SIK3: variants seen among roughly 807,000 people sequenced by gnomAD.
SIK3 encodes the protein SIK family kinase 3.
A neutral mutation model predicts 144.2 loss-of-function variants in SIK3; 28 were observed. The observed-to-expected ratio is 0.19, with a 90% CI of 0.14 to 0.27. The LOEUF (loss-of-function observed/expected upper bound fraction) is 0.27, where lower values mean the gene tolerates loss of function less well. SIK3 is among the 10% of genes least tolerant of loss of function. The probability of loss-of-function intolerance (pLI) is 1.00; values close to 1 mark genes in which losing one functional copy is unlikely to be tolerated. For missense variants in SIK3, 1,319 were observed against 1,776.0 expected (o/e 0.74, Z 4.62); for synonymous variants, 686 against 676.3 (o/e 1.01, Z -0.22).
At chr11:117,001,229 G>C (rs1030291788) in intron 1 of SIK3, among the ~76,000 whole-genome samples, 1 of 152,234 alleles carries the variant, frequency 6.6e-6, no homozygotes, top group Non-Finnish European at 1.5e-5. Flanking sequence ...TCTGAGGCCA[G>C]GTGCAGTGGC....
rs58587995 is a variant in SIK3 at position 116,965,734 on chromosome 11, A to AAT, written c.274-8672_274-8671dup. Reference sequence around the variant, plus strand: ...CATGGTGAAAACCCGTCTCTGCTAAAATATATATATATATATATATATATA... The same window carrying AAT: ...CATGGTGAAAACCCGTCTCTGCTAAAATATATATATATATATATATATATATA... On this transcript the variant is annotated intron_variant, in intron 1 of 24. Coordinates refer to ENST00000445177, the MANE Select transcript of SIK3 (RefSeq NM_001366686.3). 3.3e-3 allele frequency among the ~76,000 whole-genome samples: 384 copies of AAT among 118,124 alleles called. 1 individual carries two copies. The highest frequency in any genetic ancestry group is 8.2e-3 in the East Asian group (26 of 3,154). 77.5% of individuals were successfully genotyped at this position (118,124 alleles called of 152,430 possible). A position where few individuals can be genotyped will look rare whatever the true frequency, so the allele number is the denominator to read the frequency against.
At chr11:117,092,898 G>A (rs1043407866) in intron 1 of SIK3, among the ~76,000 whole-genome samples, 7 of 152,198 alleles carry the variant, frequency 4.6e-5, no homozygotes, top group African/African-American at 7.2e-5. Context: ...TGGCTTGAGC[G>A]AGATCTATGA....
At chr11:116,938,624 AGG>A (rs1948114656) in intron 3 of SIK3, among the ~76,000 whole-genome samples, 1 of 16,082 alleles carries the variant, frequency 6.2e-5, no homozygotes, top group Non-Finnish European at 2.7e-4. Flanking sequence ...AGGGGAGGGG[AGG>A]AGAGGAGAGG....
intron 1 of SIK3, among the ~76,000 whole-genome samples, chr11:116,961,227 G>A (rs1231904739): frequency 6.6e-6 from 1 of 152,172 alleles, no homozygotes; most frequent in African/African-American, 2.4e-5. Context: ...TGAGAGGAGA[G>A]AACTTACTGT....
At chr11:117,064,888 G>T (rs1026905119) in intron 1 of SIK3, among the ~76,000 whole-genome samples, 1 of 152,118 alleles carries the variant, frequency 6.6e-6, no homozygotes, top group Non-Finnish European at 1.5e-5. Flanking sequence ...GGTGGCTCAC[G>T]CCTGTAATCC....
chr11:117,082,265 G>A (rs573637904), intron 1 of SIK3, among the ~76,000 whole-genome samples: 2 of 152,254 alleles, frequency 1.3e-5, no homozygotes, highest in East Asian at 1.9e-4. Flanking sequence ...ATGACCAAGC[G>A]ATTCCACTCC....
intron 1 of SIK3, among the ~76,000 whole-genome samples, chr11:117,084,560 C>T (rs1954926224): frequency 6.6e-6 from 1 of 152,158 alleles, no homozygotes; most frequent in Non-Finnish European, 1.5e-5. Context: ...GCCACCGCGC[C>T]GGGCCCAGCC....
Position 117,013,972 on chromosome 11 carries a change from C to CTTTTTTTTTTTTTTTTT in SIK3, c.274-56925_274-56909dup, listed in dbSNP as rs71037442. Reference sequence around the variant, plus strand: ...TGTGTTTTATTTCTTTTTTTCTTTTCTTTTTTTTTTTTTTTTTTTTTTGAG... The same window carrying CTTTTTTTTTTTTTTTTT: ...TGTGTTTTATTTCTTTTTTTCTTTTCTTTTTTTTTTTTTTTTTTTTTTTTTTTTTTTTTTTTTTTGAG... On this transcript the variant is annotated intron_variant, in intron 1 of 24. Coordinates refer to ENST00000445177, the MANE Select transcript of SIK3 (RefSeq NM_001366686.3). Among the ~76,000 whole-genome samples the CTTTTTTTTTTTTTTTTT allele has an allele frequency of 8.5e-3, 229 of 26,994 alleles. 44 individuals are homozygous for CTTTTTTTTTTTTTTTTT. Among genetic ancestry groups the CTTTTTTTTTTTTTTTTT allele is most frequent in the Non-Finnish European group, 0.013 (170 of 13,378 alleles). 17.7% of individuals were successfully genotyped at this position (26,994 alleles called of 152,430 possible).
Position 116,927,378 on chromosome 11 carries a change from G to A in SIK3, c.457C>T (p.His153Tyr). The A allele has an allele frequency of 6.2e-7, 1 of 1,611,232 alleles. No homozygotes were observed. Among genetic ancestry groups the A allele is most frequent in the Non-Finnish European group, 8.5e-7 (1 of 1,178,722 alleles). ...EYASGGEIFD[H>Y]LVAHGRMAEK... ...GCCATTCTACCATGGGCCACCAGGT[G>A]GTCTGTGTTGAAGAAGAATACAGTC... Residue 153 changes from histidine (H) to tyrosine (Y), a missense_variant and splice_region_variant, in exon 4 of 25, where the codon CAC becomes TAC. Physicochemically the swap from His to Tyr is moderately conservative, Grantham distance 83. Transcript: ENST00000445177.
intron 4 of SIK3, among the ~76,000 whole-genome samples, chr11:116,909,843 C>T (rs558408383): frequency 6.6e-6 from 1 of 152,216 alleles, no homozygotes; most frequent in Non-Finnish European, 1.5e-5. Context: ...TGTATCAGAA[C>T]TCAGAGTGTA....
chr11:117,001,019 T>C (rs1163713761), intron 1 of SIK3, among the ~76,000 whole-genome samples: 1 of 152,228 alleles, frequency 6.6e-6, no homozygotes, highest in Non-Finnish European at 1.5e-5. Flanking sequence ...AAGTTAACCT[T>C]CTTGGCAAAC....
chr11:116,941,375 C>A, intron 3 of SIK3, among the ~76,000 whole-genome samples: 2 of 143,060 alleles, frequency 1.4e-5, no homozygotes, highest in African/African-American at 2.6e-5. Context: ...GTTGTGAAGA[C>A]ATAAAGGATG....
chr11:117,076,837 G>A (rs756286814), intron 1 of SIK3, among the ~76,000 whole-genome samples: 1 of 152,002 alleles, frequency 6.6e-6, no homozygotes, highest in African/African-American at 2.4e-5. Flanking sequence ...CACTGCACCC[G>A]GCTGCCTTAA....
At chr11:116,878,437 G>A (rs1944378146) in intron 6 of SIK3, among the ~76,000 whole-genome samples, 1 of 150,134 alleles carries the variant, frequency 6.7e-6, no homozygotes, top group Admixed American at 6.6e-5. Context: ...GTGGAGTGCA[G>A]TGTGCGATCT....
intron 1 of SIK3, among the ~76,000 whole-genome samples, chr11:117,058,903 G>A (rs1270203827): frequency 1.3e-5 from 2 of 152,196 alleles, no homozygotes; most frequent in African/African-American, 4.8e-5. Flanking sequence ...ATGGCATGTG[G>A]GAAAGAAGAA....
intron 1 of SIK3, among the ~76,000 whole-genome samples, chr11:117,028,637 A>G (rs1403869008): frequency 6.7e-6 from 1 of 149,884 alleles, no homozygotes; most frequent in South Asian, 2.1e-4. Context: ...CATGTCAAGG[A>G]AAAAAAAAAC....
At chr11:117,001,720 T>G (rs1450625725) in intron 1 of SIK3, among the ~76,000 whole-genome samples, 8 of 152,098 alleles carry the variant, frequency 5.3e-5, no homozygotes, top group Admixed American at 5.2e-4. Flanking sequence ...CCTCCCAAAG[T>G]GCTAAAATTA....
chr11:117,077,560 A>C (rs1163343917), intron 1 of SIK3, among the ~76,000 whole-genome samples: 1 of 152,234 alleles, frequency 6.6e-6, no homozygotes, highest in Admixed American at 6.5e-5. Context: ...CCAACTACCT[A>C]GCAAAGCTCA....
intron 3 of SIK3, among the ~76,000 whole-genome samples, chr11:116,932,459 A>T (rs1947667965): frequency 6.6e-6 from 1 of 152,204 alleles, no homozygotes; most frequent in East Asian, 1.9e-4. Context: ...TCACATGTGT[A>T]GATTTGTGGA....
Sources: gnomAD v4.1 joint callset for allele counts (sites outside exome capture counted in the v4.1 genomes callset) on GRCh38, gnomAD v4.1.1 for gene constraint, MANE v1.5 for transcripts, NCBI Gene and HGNC (gene_info 2026-07-23, HGNC 2026-07-21) for gene names.